FGF1: variants seen among roughly 807,000 people sequenced by gnomAD.
FGF1 encodes fibroblast growth factor 1.
FGF1 carries 9 observed loss-of-function variants against 13.4 expected under a neutral mutation model. The ratio of observed to expected loss-of-function variants is 0.67; its 90% confidence interval spans 0.40 to 1.17. The LOEUF (loss-of-function observed/expected upper bound fraction) is 1.17. Ranked by LOEUF, FGF1 falls within the 50% of genes most tolerant of loss-of-function variation. FGF1 has a pLI of 0.01. For synonymous variants in FGF1, 93 were observed against 79.0 expected (o/e 1.18, Z -0.94); for missense variants, 156 against 192.7 (o/e 0.81, Z 1.13).
chr5:142,621,106 G>A (rs1164090901), intron 1 of FGF1, among the ~76,000 whole-genome samples: 1 of 152,128 alleles, frequency 6.6e-6, no homozygotes, highest in East Asian at 1.9e-4. Flanking sequence ...TCTGCTGCTA[G>A]TGACCATTCT....
intron 1 of FGF1, among the ~76,000 whole-genome samples, chr5:142,647,754 C>A (rs796577658): frequency 3.3e-5 from 5 of 152,242 alleles, no homozygotes; most frequent in African/African-American, 1.2e-4. Context: ...GTAGAATATT[C>A]CACATGTGGC....
intron 2 of FGF1, among the ~76,000 whole-genome samples, chr5:142,693,625 A>G (rs1752593743): frequency 6.6e-6 from 1 of 152,222 alleles, no homozygotes; most frequent in Non-Finnish European, 1.5e-5. Flanking sequence ...CATCACAACT[A>G]TAATTTTAGA....
rs777523983 is a variant in FGF1 at position 142,595,422 on chromosome 5, A to G, written c.336T>C (p.Tyr112=). The change falls in exon 4 of 4, where the codon TAT becomes TAC. Residue 112 remains tyrosine (Y), a synonymous_variant. Transcript: ENST00000337706. ...ERLEENHYNT[Y]ISKKHAEKNW... is the part of the protein sequence containing the mutation. ...TCTTCTCTGCATGCTTCTTGGATAT[A>G]TAGGTGTTGTAATGGTTCTCCTCCA... The G allele has an allele frequency of 3.1e-6, 5 of 1,613,966 alleles. No homozygotes were observed. The highest frequency in any genetic ancestry group is 4.2e-6 in the Non-Finnish European group (5 of 1,179,900).
intron 1 of FGF1, among the ~76,000 whole-genome samples, chr5:142,623,377 T>C (rs1761964701): frequency 5.9e-5 from 9 of 151,892 alleles, no homozygotes. Flanking sequence ...CAGAGTCTCG[T>C]TCTGTCGCCC....
At chr5:142,633,173 C>T (rs937066185) in intron 1 of FGF1, among the ~76,000 whole-genome samples, 4 of 152,124 alleles carry the variant, frequency 2.6e-5, no homozygotes, top group Non-Finnish European at 5.9e-5. Context: ...CCTGCTTCGG[C>T]CTCCCAAAGT....
At chr5:142,649,993 A>G (rs1345002170) in intron 1 of FGF1, among the ~76,000 whole-genome samples, 1 of 152,230 alleles carries the variant, frequency 6.6e-6, no homozygotes, top group Admixed American at 6.5e-5. Flanking sequence ...TCCATGGGAC[A>G]TTTGTTTTTA....
chr5:142,661,389 G>A (rs759471047), intron 1 of FGF1, among the ~76,000 whole-genome samples: 2 of 152,188 alleles, frequency 1.3e-5, no homozygotes, highest in Non-Finnish European at 2.9e-5. Context: ...ATACACTGCT[G>A]GTGGGAATGT....
chr5:142,679,827 A>G (rs148594195), intron 1 of FGF1: 3 of 152,332 alleles, frequency 2.0e-5, no homozygotes, highest in Non-Finnish European at 4.4e-5. Flanking sequence ...GAACCTAGGA[A>G]TCTGGCTTTC....
At chr5:142,651,591 A>G (rs915162105) in intron 1 of FGF1, among the ~76,000 whole-genome samples, 1 of 152,188 alleles carries the variant, frequency 6.6e-6, no homozygotes, top group African/African-American at 2.4e-5. Context: ...ATCTACCATT[A>G]TCGTTTCCTA....
intron 2 of FGF1, among the ~76,000 whole-genome samples, chr5:142,696,544 A>G (rs749389368): frequency 3.3e-5 from 5 of 152,196 alleles, no homozygotes; most frequent in Non-Finnish European, 7.4e-5. Flanking sequence ...GTGCTGTGCT[A>G]GTAGGATGTC....
At position 142,596,709 on chromosome 5, in the gene FGF1, C is replaced by T. The variant is rs17223905; in HGVS notation, c.274-1225G>A. Among the ~76,000 whole-genome samples, 770 of 148,896 alleles carry T rather than the reference C, an allele frequency of 5.2e-3. 12 individuals are homozygous for T. Among genetic ancestry groups the T allele is most frequent in the African/African-American group, 0.019 (742 of 38,472 alleles). ...GTAGTGAGCTATGATTGTACCACTG[C>T]ACTCTAGTCTGGGTGACAGAGCAAG... On this transcript the variant is annotated intron_variant, in intron 3 of 3. Transcript: ENST00000337706.
Position 142,592,849 on chromosome 5 carries a change from T to C in FGF1, c.*2441A>G, listed in dbSNP as rs1000642371. On this transcript the variant is annotated 3_prime_UTR_variant, in exon 4 of 4. Coordinates refer to ENST00000337706, the MANE Select transcript of FGF1 (RefSeq NM_000800.5). ...AAATCTGGGTTTCTGGGATTTGCTT[T>C]ATTCAGCAGGAACCTACAAAGTCTG... 1 of 161,450 alleles carries C rather than the reference T, an allele frequency of 6.2e-6. No homozygotes were observed. The highest frequency in any genetic ancestry group is 2.0e-4 in the South Asian group (1 of 4,922). The allele number at this position is 161,450 out of a possible 1,614,324, so 10.0% of individuals were successfully genotyped here.
chr5:142,684,164 T>C (rs11167785), intron 1 of FGF1, among the ~76,000 whole-genome samples: 41,728 of 152,140 alleles, frequency 0.27, 5,828 homozygotes, highest in Middle Eastern at 0.3. Context: ...AGTTTATGTG[T>C]AGTTCACAGA....
chr5:142,631,129 C>T (rs866806851), intron 1 of FGF1, among the ~76,000 whole-genome samples: 1 of 152,216 alleles, frequency 6.6e-6, no homozygotes, highest in Admixed American at 6.5e-5. Context: ...GACTCTGCTA[C>T]GCACTAAGGG....
chr5:142,657,931 T>C (rs13354720), intron 1 of FGF1, among the ~76,000 whole-genome samples: 19,490 of 152,162 alleles, frequency 0.13, 2,610 homozygotes, highest in African/African-American at 0.34. Context: ...AATGCATATA[T>C]GCTCTCTGGG....
chr5:142,646,564 G>GC (rs1766166527), intron 1 of FGF1, among the ~76,000 whole-genome samples: 1 of 152,028 alleles, frequency 6.6e-6, no homozygotes, highest in South Asian at 2.1e-4. Flanking sequence ...TGTTGGTCAG[G>GC]CTAGTCTCAA....
chr5:142,644,063 T>G (rs1224954165), intron 1 of FGF1: 1 of 152,192 alleles, frequency 6.6e-6, no homozygotes, highest in African/African-American at 2.4e-5. Context: ...CCTTCCAGAA[T>G]GTCCCCAGGA....
intron 2 of FGF1, among the ~76,000 whole-genome samples, chr5:142,608,542 C>CTA (rs369107817): frequency 0.021 from 1,607 of 75,646 alleles, 31 homozygotes; most frequent in Non-Finnish European, 0.031. Context: ...ATATACACAT[C>CTA]TATATATATA....
At chr5:142,640,436 G>GT (rs1281804612) in intron 1 of FGF1, among the ~76,000 whole-genome samples, 1 of 148,052 alleles carries the variant, frequency 6.8e-6, no homozygotes, top group Non-Finnish European at 1.5e-5. Context: ...TGGGGGGGGG[G>GT]GTCTCTCTGA....
Sources: gnomAD v4.1 joint callset for allele counts (sites outside exome capture counted in the v4.1 genomes callset) on GRCh38, gnomAD v4.1.1 for gene constraint, MANE v1.5 for transcripts, NCBI Gene and HGNC (gene_info 2026-07-23, HGNC 2026-07-21) for gene names.